The following SYTL2 variants were observed in gnomAD, a reference collection of about 807,000 sequenced individuals.
SYTL2 encodes synaptotagmin-like protein 2.
SYTL2 carries 165 observed loss-of-function variants against 198.7 expected under a neutral mutation model. The ratio of observed to expected loss-of-function variants is 0.83; its 90% CI spans 0.73 to 0.94. The LOEUF is 0.94. Ranked by LOEUF, SYTL2 falls within the 40% of genes least tolerant of loss-of-function variation. SYTL2 has a pLI of 0.00. For synonymous variants in SYTL2, 966 were observed against 917.7 expected (o/e 1.05, Z -0.95); for missense variants, 2,835 against 2,582.8 (o/e 1.10, Z -2.12).
the SYTL2 span, among the ~76,000 whole-genome samples, chr11:85,848,539 T>C: frequency 6.6e-6 from 1 of 152,334 alleles, no homozygotes; most frequent in East Asian, 1.9e-4. Flanking sequence ...CAGTCACATT[T>C]GTTCAAAAGA....
At chr11:85,799,903 T>C (rs532359634) in intron 1 of SYTL2, among the ~76,000 whole-genome samples, 1 of 152,328 alleles carries the variant, frequency 6.6e-6, no homozygotes, top group South Asian at 2.1e-4. Flanking sequence ...AAATTAACTC[T>C]TGCCTCTAAA....
intron 6 of SYTL2, among the ~76,000 whole-genome samples, 163 bp from the exon 7 acceptor site, chr11:85,734,905 T>C (rs2090184254): frequency 6.6e-6 from 1 of 152,192 alleles, no homozygotes; most frequent in African/African-American, 2.4e-5. Flanking sequence ...TTTTAAAAAT[T>C]CATGCATTGG....
At chr11:85,839,841 C>T in the SYTL2 span, among the ~76,000 whole-genome samples, 1 of 152,092 alleles carries the variant, frequency 6.6e-6, no homozygotes, top group Non-Finnish European at 1.5e-5. Context: ...CTATTTTTAG[C>T]TTTTTGAGGA....
At chr11:85,782,404 G>C (rs184368148) in intron 1 of SYTL2, among the ~76,000 whole-genome samples, 3 of 152,118 alleles carry the variant, frequency 2.0e-5, no homozygotes, top group Admixed American at 6.5e-5. Context: ...GTGATGGGTG[G>C]GGGGGCTGCT....
At chr11:85,701,099 A>C (rs1427699902) in intron 16 of SYTL2, among the ~76,000 whole-genome samples, 1 of 152,236 alleles carries the variant, frequency 6.6e-6, no homozygotes, top group East Asian at 1.9e-4. Context: ...ACAAAGACTG[A>C]ACAATAATTT....
At chr11:85,736,393 C>G in intron 6 of SYTL2, 108 bp downstream of exon 6, 8 of 627,190 alleles carry the variant, frequency 1.3e-5, no homozygotes, top group Non-Finnish European at 1.9e-5. Context: ...ACCATCAGGA[C>G]TTTTCACTTT....
chr11:85,726,138 G>A lies in SYTL2; in HGVS notation c.3220C>T (p.Leu1074Phe). 1 of 1,613,992 alleles carries A rather than the reference G, an allele frequency of 6.2e-7. No homozygotes were observed. The change falls in exon 8 of 20, where the codon CTT becomes TTT. Residue 1074 changes from leucine (L) to phenylalanine (F), a missense_variant. Physicochemically the swap from Leu to Phe is conservative, Grantham distance 22. This residue lies in a region of SYTL2 where 2,645 missense variants were observed against 2,381.7 expected (regional missense o/e 1.11). Coordinates refer to ENST00000359152, the MANE Select transcript of SYTL2 (RefSeq NM_206927.4). The stretch of plus-strand genomic sequence containing the variant: ...GGCAACTGATAAGTATACTTTCTAA[G>A]TGGACTCAAAGGAAATGTGATTTCA... ...PDEITFPLSP[L>F]RKYTYQLPGN... is the part of the protein sequence containing the mutation.
chr11:85,831,841 T>C, the SYTL2 span, among the ~76,000 whole-genome samples: 1 of 152,006 alleles, frequency 6.6e-6, no homozygotes, highest in Non-Finnish European at 1.5e-5. Context: ...AGGAACAAAC[T>C]TGGAAGCTAC....
chr11:85,802,791 A>G (rs2092909872), intron 1 of SYTL2, among the ~76,000 whole-genome samples: 1 of 152,236 alleles, frequency 6.6e-6, no homozygotes, highest in African/African-American at 2.4e-5. Context: ...AAATGAATGC[A>G]ATTTTTGCAG....
chr11:85,844,839 T>A, the SYTL2 span, among the ~76,000 whole-genome samples: 9,466 of 152,088 alleles, frequency 0.062, 494 homozygotes, highest in African/African-American at 0.14. Context: ...TCTGTCATCA[T>A]CACAGAGCCT....
intron 4 of SYTL2, 31 bp downstream of exon 4, chr11:85,745,606 G>A (rs748088479): frequency 6.3e-7 from 1 of 1,597,130 alleles, no homozygotes; most frequent in Non-Finnish European, 8.6e-7. Flanking sequence ...AAAGCCACAT[G>A]CAGCAGCTCT....
upstream of SYTL2, among the ~76,000 whole-genome samples, chr11:85,813,404 A>G (rs747379606): frequency 1.4e-4 from 22 of 152,208 alleles, no homozygotes; most frequent in Non-Finnish European, 3.1e-4. Context: ...CCTTGCACAT[A>G]CAGTGCACTG....
chr11:85,713,919 T>C (rs1408227562), intron 12 of SYTL2, among the ~76,000 whole-genome samples: 2 of 152,142 alleles, frequency 1.3e-5, no homozygotes, highest in East Asian at 3.9e-4. Context: ...ACCTGTAATG[T>C]GTGGGGATAA....
Position 85,707,548 on chromosome 11 carries a change from AACAG to A in SYTL2, c.5916-21_5916-18del, listed in dbSNP as rs3069561. 0.61 allele frequency: 905,637 copies of A among 1,479,940 alleles called. 281,543 individuals are homozygous for A. The highest frequency in any genetic ancestry group is 0.63 in the Non-Finnish European group (675,120 of 1,063,602). The allele number at this position is 1,479,940 out of a possible 1,614,324, so 91.7% of individuals were successfully genotyped here. On this transcript the variant is annotated intron_variant, in intron 14 of 19. Transcript: ENST00000359152. The stretch of plus-strand genomic sequence containing the variant: ...TTTACATATCTGAAAAGGAGAATTG[AACAG>A]ACAAAGTCAAAGAAAATAAAAGTTA...
rs145402563 is a variant in SYTL2, at chr11:85,805,522, T to G, written c.-390+5432A>C. 1.1e-3 allele frequency among the ~76,000 whole-genome samples: 175 copies of G among 152,288 alleles called. 3 individuals carry two copies. Among genetic ancestry groups the G allele is most frequent in the East Asian group, 6.8e-3 (35 of 5,180 alleles). On this transcript the variant is annotated intron_variant, in intron 1 of 19. Coordinates refer to ENST00000359152, the MANE Select transcript of SYTL2 (RefSeq NM_206927.4). ...AATAGATTTGACTGAGGAACTTAGC[T>G]TGCCTGGGATCCAGCTAATGCCCTC...
In SYTL2 at chr11:85,799,852, G is replaced by C. The variant is rs1268165078; in HGVS notation, c.-390+11102C>G. Among the ~76,000 whole-genome samples the C allele has an allele frequency of 2.0e-5, 3 of 152,114 alleles. No homozygotes were observed. The East Asian group carries it at 5.8e-4, about 29-fold the overall frequency. The stretch of plus-strand genomic sequence containing the variant: ...TGGACTCTGAGCCTAAAACAATTTG[G>C]CACACAAACATAGAAAACACTCAGT... On this transcript the variant is annotated intron_variant, in intron 1 of 19. Coordinates refer to ENST00000359152, the MANE Select transcript of SYTL2 (RefSeq NM_206927.4).
chr11:85,785,249 C>A (rs1151152), intron 1 of SYTL2, among the ~76,000 whole-genome samples: 50,238 of 151,954 alleles, frequency 0.33, 8,512 homozygotes, highest in South Asian at 0.4. Context: ...TTGTAATTCT[C>A]AACAAAACTA....
At chr11:85,837,869 C>G in the SYTL2 span, among the ~76,000 whole-genome samples, 19 of 151,372 alleles carry the variant, frequency 1.3e-4, no homozygotes, top group African/African-American at 4.1e-4. Flanking sequence ...CCAAACCACG[C>G]TTTCTCAATC....
chr11:85,845,942 A>G, the SYTL2 span, among the ~76,000 whole-genome samples: 1 of 152,334 alleles, frequency 6.6e-6, no homozygotes, highest in East Asian at 1.9e-4. Flanking sequence ...AAATAAATAA[A>G]TAACATAAAA....
Sources: gnomAD v4.1 joint callset for allele counts (sites outside exome capture counted in the v4.1 genomes callset) on GRCh38, gnomAD v4.1.1 for gene constraint, gnomAD v4.1.1 regional missense constraint, MANE v1.5 for transcripts, NCBI Gene and HGNC (gene_info 2026-07-23, HGNC 2026-07-21) for gene names.